Variants in CSMD1 observed in about 807,000 individuals in gnomAD.
CSMD1 encodes CUB and sushi domain-containing protein 1.
A neutral mutation model predicts 417.5 loss-of-function variants in CSMD1; 213 were observed. That is an observed-to-expected ratio of 0.51 (90% CI 0.46 to 0.57). CSMD1 has a LOEUF of 0.57. Among genes scored for constraint, CSMD1 ranks in the 20% least tolerant of loss-of-function variants. The probability of loss-of-function intolerance (pLI) is 0.00; values close to 1 mark genes in which losing one functional copy is unlikely to be tolerated. For synonymous variants in CSMD1, 2,862 were observed against 1,736.8 expected (o/e 1.65, Z -16.11); for missense variants, 6,923 against 4,529.7 (o/e 1.53, Z -15.17).
intron 5 of CSMD1, among the ~76,000 whole-genome samples, chr8:3,848,526 T>G (rs376885048): frequency 6.6e-6 from 1 of 152,182 alleles, no homozygotes; most frequent in Non-Finnish European, 1.5e-5. Flanking sequence ...GCCTGAGAAG[T>G]TACTTAATTT....
At chr8:4,888,795 A>C (rs1036712908) in intron 1 of CSMD1, among the ~76,000 whole-genome samples, 23 of 152,138 alleles carry the variant, frequency 1.5e-4, no homozygotes, top group African/African-American at 5.6e-4. Context: ...GGACATATCA[A>C]AAGGTCACAA....
chr8:3,536,496 T>G lies in CSMD1; in HGVS notation c.1344+38449A>C, dbSNP rs760651344. On this transcript the variant is annotated intron_variant, in intron 10 of 69. Transcript: ENST00000635120. ...TCCTCTTTGATTAATGGGGATTATG[T>G]TTTTTCCTCTCCAGGGTATCTTCGA... is the stretch of plus-strand genomic sequence containing the variant. Among the ~76,000 whole-genome samples the G allele has an allele frequency of 2.0e-5, 3 of 152,142 alleles. No individual in the cohort carries two copies. The East Asian group carries it at 5.8e-4, about 29-fold the overall frequency.
chr8:4,017,104 G>T (rs78965404), intron 4 of CSMD1, among the ~76,000 whole-genome samples: 1 of 152,192 alleles, frequency 6.6e-6, no homozygotes, highest in African/African-American at 2.4e-5. Flanking sequence ...GCGGTGTTCA[G>T]CCAGCCTTGC....
chr8:3,977,000 G>T (rs556621268), intron 5 of CSMD1, among the ~76,000 whole-genome samples: 1 of 152,282 alleles, frequency 6.6e-6, no homozygotes, highest in South Asian at 2.1e-4. Context: ...GCAGTGGGTG[G>T]GGGCGTGAAG....
intron 3 of CSMD1, among the ~76,000 whole-genome samples, chr8:4,326,425 T>C (rs193199494): frequency 1.3e-5 from 2 of 152,206 alleles, no homozygotes; most frequent in Admixed American, 1.3e-4. Context: ...GAAAACCAAT[T>C]AGGCAGCTAC....
At chr8:4,322,855 G>T (rs2174358) in intron 3 of CSMD1, among the ~76,000 whole-genome samples, 10 of 152,068 alleles carry the variant, frequency 6.6e-5, no homozygotes, top group East Asian at 1.9e-4. Context: ...AAATTAGCCA[G>T]GCTTTTGTAG....
At chr8:4,420,604 G>C (rs1009129543) in intron 2 of CSMD1, among the ~76,000 whole-genome samples, 3 of 152,092 alleles carry the variant, frequency 2.0e-5, no homozygotes, top group African/African-American at 7.2e-5. Flanking sequence ...ACTCAAACAT[G>C]AAAGTATTGC....
chr8:2,991,695 G>C (rs770969661), intron 54 of CSMD1, among the ~76,000 whole-genome samples: 1 of 152,178 alleles, frequency 6.6e-6, no homozygotes, highest in African/African-American at 2.4e-5. Context: ...AGTCACTGAA[G>C]TATTCAAACG....
chr8:4,869,595 G>A (rs1035792154), intron 1 of CSMD1, among the ~76,000 whole-genome samples: 1 of 151,946 alleles, frequency 6.6e-6, no homozygotes, highest in Admixed American at 6.5e-5. Context: ...TTGTAGTTTA[G>A]TTAATGATCA....
intron 7 of CSMD1, among the ~76,000 whole-genome samples, chr8:3,661,455 G>C (rs751544869): frequency 1.2e-4 from 19 of 152,202 alleles, no homozygotes; most frequent in Middle Eastern, 3.4e-3. Flanking sequence ...TGTGATTCTA[G>C]GGGTTGCCTG....
chr8:4,305,309 C>T (rs1242309834), intron 3 of CSMD1, among the ~76,000 whole-genome samples: 2 of 152,088 alleles, frequency 1.3e-5, no homozygotes, highest in African/African-American at 2.4e-5. Context: ...AGGAGAGAGT[C>T]AGGCCGCCAC....
chr8:4,079,962 A>G lies in CSMD1; in HGVS notation c.416-47863T>C, dbSNP rs754298115. On this transcript the variant is annotated intron_variant, in intron 3 of 69. Transcript: ENST00000635120. ...CATGGAGTTGTAAAAATAATATAAA[A>G]AATAATTTAAAGATTAAGAAAATTA... 1.3e-5 allele frequency among the ~76,000 whole-genome samples: 2 copies of G among 152,114 alleles called. 1 individual carries two copies. The highest frequency in any genetic ancestry group is 6.8e-3 in the Middle Eastern group (2 of 292).
chr8:3,327,981 A>C (rs1171900276), intron 23 of CSMD1, among the ~76,000 whole-genome samples: 1 of 152,066 alleles, frequency 6.6e-6, no homozygotes, highest in African/African-American at 2.4e-5. Flanking sequence ...CTCTGTGTAT[A>C]ATTGGGGCAT....
intron 2 of CSMD1, among the ~76,000 whole-genome samples, chr8:4,486,257 A>ATATATATATACATACATATATG (rs1801410372): frequency 2.4e-5 from 1 of 41,346 alleles, no homozygotes; most frequent in Non-Finnish European, 5.1e-5. Flanking sequence ...ATACATATAT[A>ATATATATATACATACATATATG]TATATATATA....
rs533954419 is a variant in CSMD1, at chr8:3,829,467, T to G, written c.819-75425A>C. ...GAATTCAGGTTATCTGCAGAGCCCT[T>G]GCCGCCACCCTGCTGTTCTTGAGTA... On this transcript the variant is annotated intron_variant, in intron 5 of 69. Transcript: ENST00000635120. Among the ~76,000 whole-genome samples the G allele has an allele frequency of 2.0e-4, 30 of 152,300 alleles. 1 individual carries two copies. In the South Asian group the frequency reaches 6.2e-3, roughly 32 times the overall value.
intron 5 of CSMD1, among the ~76,000 whole-genome samples, chr8:3,795,285 A>ATC (rs1800004939): frequency 4.0e-5 from 1 of 24,804 alleles, no homozygotes; most frequent in South Asian, 1.2e-3. Context: ...ACAGATATAT[A>ATC]TATCATGTAC....
At chr8:4,579,543 T>C (rs913277412) in intron 2 of CSMD1, among the ~76,000 whole-genome samples, 3 of 151,986 alleles carry the variant, frequency 2.0e-5, no homozygotes, top group Non-Finnish European at 4.4e-5. Flanking sequence ...TTTGTATTTT[T>C]AGTAGAGATG....
intron 10 of CSMD1, among the ~76,000 whole-genome samples, chr8:3,541,678 A>G (rs1798444364): frequency 1.3e-5 from 2 of 149,714 alleles, no homozygotes; most frequent in African/African-American, 4.9e-5. Context: ...TGGACACCCT[A>G]TAATTAGTAC....
intron 3 of CSMD1, among the ~76,000 whole-genome samples, chr8:4,205,819 T>C (rs1382450531): frequency 6.6e-6 from 1 of 152,054 alleles, no homozygotes; most frequent in Non-Finnish European, 1.5e-5. Context: ...AAATGGAAAA[T>C]TCTCCCCCAT....
Sources: gnomAD v4.1 joint callset for allele counts (sites outside exome capture counted in the v4.1 genomes callset) on GRCh38, gnomAD v4.1.1 for gene constraint, MANE v1.5 for transcripts, NCBI Gene and HGNC (gene_info 2026-07-23, HGNC 2026-07-21) for gene names.